The following NPIPB2 variants were observed in gnomAD, a reference collection of about 807,000 sequenced individuals.
NPIPB2 encodes nuclear pore complex-interacting protein family member B2.
A neutral mutation model predicts 30.8 loss-of-function variants in NPIPB2; 27 were observed. That is an observed-to-expected ratio of 0.88 (90% CI 0.65 to 1.21). The LOEUF (loss-of-function observed/expected upper bound fraction) is 1.21, where lower values mean the gene tolerates loss of function less well. Among genes scored for constraint, NPIPB2 ranks in the 50% most tolerant of loss-of-function variants. NPIPB2 has a pLI of 0.00. For synonymous variants in NPIPB2, 147 were observed against 162.0 expected, an observed-to-expected ratio of 0.91 and a Z score of 0.70; for missense variants, 440 against 446.2, an observed-to-expected ratio of 0.99 and a Z score of 0.13.
intron 1 of NPIPB2, among the ~76,000 whole-genome samples, chr16:11,950,904 A>T (rs1343636380): frequency 1.3e-5 from 2 of 152,136 alleles, no homozygotes; most frequent in South Asian, 4.1e-4. Context: ...CAGAGAAGTA[A>T]GACATTGGAT....
chr16:11,952,230 C>A (rs1449326767), intron 1 of NPIPB2, among the ~76,000 whole-genome samples: 1 of 149,562 alleles, frequency 6.7e-6, no homozygotes, highest in Admixed American at 6.6e-5. Flanking sequence ...CGTCTGTAGT[C>A]CCAGCTACTC....
intron 1 of NPIPB2, among the ~76,000 whole-genome samples, chr16:11,972,892 G>A (rs2150946262): frequency 6.6e-6 from 1 of 151,908 alleles, no homozygotes; most frequent in East Asian, 1.9e-4. Flanking sequence ...TGGGCGTGGA[G>A]GCTGATGCCT....
exon 8 of NPIPB2, chr16:11,927,837 G>T: frequency 1.5e-6 from 2 of 1,358,204 alleles, no homozygotes; most frequent in Non-Finnish European, 2.0e-6. Flanking sequence ...GGCCAGTAGG[G>T]CAATCCTGAA....
chr16:11,973,411 G>A (rs58398910), intron 1 of NPIPB2, among the ~76,000 whole-genome samples: 17,635 of 152,012 alleles, frequency 0.12, 1,490 homozygotes, highest in African/African-American at 0.21. Flanking sequence ...GGGCCAAGGG[G>A]AAAACTTCCT....
chr16:11,965,209 C>T, intron 1 of NPIPB2: 1 of 1,406,646 alleles, frequency 7.1e-7, no homozygotes, highest in Non-Finnish European at 9.8e-7. Flanking sequence ...AGGCGAAGTT[C>T]ATTGTTCTCA....
intron 1 of NPIPB2, chr16:11,966,068 G>A (rs1029718303): frequency 1.3e-5 from 11 of 876,448 alleles, no homozygotes; most frequent in Non-Finnish European, 1.3e-5. Context: ...CCGAGATCGC[G>A]CCACTGCACT....
intron 1 of NPIPB2, chr16:11,966,270 C>T: frequency 6.2e-7 from 1 of 1,613,874 alleles, no homozygotes; most frequent in Middle Eastern, 1.7e-4. Context: ...ATTTCTTTGG[C>T]AGTTTTCGTG....
chr16:11,951,583 G>T (rs55701012), intron 1 of NPIPB2, among the ~76,000 whole-genome samples: 3 of 144,936 alleles, frequency 2.1e-5, no homozygotes, highest in Admixed American at 6.9e-5. Flanking sequence ...CAGGAATGTA[G>T]CAGGCACTGG....
intron 1 of NPIPB2, among the ~76,000 whole-genome samples, chr16:11,947,511 A>AT (rs1247058759): frequency 6.6e-6 from 1 of 151,166 alleles, no homozygotes; most frequent in Non-Finnish European, 1.5e-5. Context: ...CGCCCCGCTA[A>AT]TTTTTTGTAC....
chr16:11,970,568 T>C (rs1482838489), intron 1 of NPIPB2, among the ~76,000 whole-genome samples: 1 of 151,876 alleles, frequency 6.6e-6, no homozygotes, highest in Non-Finnish European at 1.5e-5. Flanking sequence ...ACAGTTTCAC[T>C]CTTGTTGCCC....
At chr16:11,965,403 C>A (rs185085849) in intron 1 of NPIPB2, 1 of 1,614,094 alleles carries the variant, frequency 6.2e-7, no homozygotes, top group Non-Finnish European at 8.5e-7. Flanking sequence ...TTGTCAACTT[C>A]GATGTTCTTC....
At chr16:11,971,845 T>C (rs1419803284) in intron 1 of NPIPB2, among the ~76,000 whole-genome samples, 6 of 152,048 alleles carry the variant, frequency 3.9e-5, no homozygotes, top group African/African-American at 7.2e-5. Flanking sequence ...AGTTAAGTTA[T>C]GGTCTAAAGA....
chr16:11,941,149 C>A (rs1276400289), intron 1 of NPIPB2: 7 of 1,494,972 alleles, frequency 4.7e-6, no homozygotes, highest in South Asian at 1.2e-5. Flanking sequence ...AGAAACCCCG[C>A]GGGTCCAGCG....
intron 1 of NPIPB2, among the ~76,000 whole-genome samples, chr16:11,951,476 A>G (rs1403388668): frequency 6.8e-6 from 1 of 147,492 alleles, no homozygotes; most frequent in Admixed American, 6.8e-5. Context: ...AAAAAAAAAA[A>G]AGAAAGAAAA....
At chr16:11,975,141 CTTTTTTT>C (rs1195309022) in intron 1 of NPIPB2, among the ~76,000 whole-genome samples, 2 of 37,508 alleles carry the variant, frequency 5.3e-5, no homozygotes, top group Non-Finnish European at 8.6e-5. Flanking sequence ...AATCCATCAC[CTTTTTTT>C]TTTTTTTTTT....
At position 11,947,322 on chromosome 16, in the gene NPIPB2, T is replaced by TTATTTATATATA. The variant is rs144577397; in HGVS notation, c.-583-5209_-583-5208insTATATATAAATA. On this transcript the variant is annotated intron_variant, in intron 1 of 5. Transcript: ENST00000538896. ...TTTATTTATTTATTTATTTATTTATTTATATATATATATATTTATTTATTT... is the reference window on the plus strand; with the variant it reads ...TTTATTTATTTATTTATTTATTTATTTATTTATATATATATATATATATATATTTATTTATTT... Among the ~76,000 whole-genome samples the TTATTTATATATA allele has an allele frequency of 2.0e-4, 24 of 119,944 alleles. No homozygotes were observed. In the South Asian group the frequency reaches 2.8e-3, roughly 14 times the overall value. The allele number at this position is 119,944 out of a possible 152,430, so 78.7% of individuals were successfully genotyped here.
intron 1 of NPIPB2, chr16:11,966,136 T>G: frequency 6.8e-7 from 1 of 1,467,956 alleles, no homozygotes; most frequent in East Asian, 2.3e-5. Flanking sequence ...ATAATAACAA[T>G]AAAGTATGTG....
chr16:11,946,256 A>G (rs1376783150), upstream of NPIPB2, among the ~76,000 whole-genome samples: 1 of 151,610 alleles, frequency 6.6e-6, no homozygotes, highest in African/African-American at 2.4e-5. Flanking sequence ...ATGGTGGCAC[A>G]TGCCTATAAT....
chr16:11,955,746 G>GAAAAA (rs1452103917), intron 1 of NPIPB2, among the ~76,000 whole-genome samples: 14 of 149,582 alleles, frequency 9.4e-5, no homozygotes, highest in African/African-American at 3.5e-4. Flanking sequence ...AAAGAAAAAA[G>GAAAAA]AAATTTGCCA....
Sources: gnomAD v4.1 joint callset for allele counts (sites outside exome capture counted in the v4.1 genomes callset) on GRCh38, gnomAD v4.1.1 for gene constraint, MANE v1.5 for transcripts, NCBI Gene and HGNC (gene_info 2026-07-23, HGNC 2026-07-21) for gene names.